The following ERC1 variants were observed in gnomAD, a reference collection of about 807,000 sequenced individuals.
The protein encoded by ERC1 is ELKS/RAB6-interacting/CAST family member 1, also known as RAB6 interacting protein 2.
A neutral mutation model predicts 132.0 loss-of-function variants in ERC1; 56 were observed. That is an observed-to-expected ratio of 0.42 (90% CI 0.34 to 0.53). The LOEUF (loss-of-function observed/expected upper bound fraction) is 0.53, where lower values mean the gene tolerates loss of function less well. Ranked by LOEUF, ERC1 falls within the 20% of genes least tolerant of loss-of-function variation. The probability of loss-of-function intolerance (pLI) is 0.03; values close to 1 mark genes in which losing one functional copy is unlikely to be tolerated. For synonymous variants in ERC1, 478 were observed against 476.1 expected, an observed-to-expected ratio of 1.00 and a Z score of -0.05; for missense variants, 1,202 against 1,349.9, an observed-to-expected ratio of 0.89 and a Z score of 1.72.
chr12:1,323,677 G>A (rs61913082), intron 15 of ERC1, among the ~76,000 whole-genome samples: 33,079 of 151,856 alleles, frequency 0.22, 3,981 homozygotes, highest in Middle Eastern at 0.28. Context: ...AGTATGGGTA[G>A]GTAAAGTATA....
intron 2 of ERC1, among the ~76,000 whole-genome samples, chr12:1,033,420 C>T (rs1565825226): frequency 1.3e-5 from 2 of 151,974 alleles, no homozygotes; most frequent in Non-Finnish European, 2.9e-5. Flanking sequence ...ATCCACCTGC[C>T]TTGGCCTCCC....
intron 2 of ERC1, among the ~76,000 whole-genome samples, chr12:1,061,358 A>G (rs547115712): frequency 2.0e-5 from 3 of 151,758 alleles, no homozygotes; most frequent in Admixed American, 2.0e-4. Context: ...GCACACTGGT[A>G]GGCTGAGTCC....
intron 17 of ERC1, chr12:1,430,462 CT>C (rs2092761044): frequency 6.6e-6 from 1 of 152,264 alleles, no homozygotes; most frequent in African/African-American, 2.4e-5. Flanking sequence ...TCTGCAACCT[CT>C]GCCTCCCGGG....
Position 1,494,074 on chromosome 12 carries a change from G to T in ERC1, c.*3844G>T, listed in dbSNP as rs962915602. The T allele has an allele frequency of 1.3e-5, 3 of 232,046 alleles. No individual in the cohort carries two copies. The highest frequency in any genetic ancestry group is 2.6e-5 in the Non-Finnish European group (3 of 117,454). The allele number at this position is 232,046 out of a possible 1,614,324, so 14.4% of individuals were successfully genotyped here. On this transcript the variant is annotated 3_prime_UTR_variant, in exon 19 of 19. Transcript: ENST00000360905. ...CGGTGTCAAGACCCTCAGAGTCTTT[G>T]AGGAAAGAGCCAAGCAGAGAAGACC...
chr12:1,213,991 G>A (rs1958135008), intron 12 of ERC1, among the ~76,000 whole-genome samples: 2 of 152,094 alleles, frequency 1.3e-5, no homozygotes, highest in Non-Finnish European at 2.9e-5. Flanking sequence ...TACATCATTG[G>A]ATATGCTGCA....
intron 8 of ERC1, among the ~76,000 whole-genome samples, chr12:1,163,973 C>T (rs1184718845): frequency 1.3e-5 from 2 of 152,170 alleles, no homozygotes; most frequent in Non-Finnish European, 2.9e-5. Context: ...GTCATGGCCT[C>T]CTGAAGTGCT....
At chr12:1,181,461 C>T (rs1954452678) in intron 9 of ERC1, among the ~76,000 whole-genome samples, 1 of 152,146 alleles carries the variant, frequency 6.6e-6, no homozygotes, top group Non-Finnish European at 1.5e-5. Context: ...AATAAACCTA[C>T]ATCCTTGTTA....
At chr12:1,010,571 CATG>C (rs1188168668) in intron 1 of ERC1, among the ~76,000 whole-genome samples, 5 of 147,594 alleles carry the variant, frequency 3.4e-5, no homozygotes, top group African/African-American at 1.3e-4. Flanking sequence ...AGTGCAATGG[CATG>C]ATCTCATCTC....
chr12:1,466,527 C>T lies in ERC1; in HGVS notation c.3213+21777C>T, dbSNP rs569834425. Reference sequence around the variant, plus strand: ...AAAATAGGCTCATGGCAACAACTTCCGAACCTAACTACTGCTTGGGTAATT... The same window carrying T: ...AAAATAGGCTCATGGCAACAACTTCTGAACCTAACTACTGCTTGGGTAATT... On this transcript the variant is annotated intron_variant, in intron 18 of 18. Coordinates refer to ENST00000360905, the MANE Select transcript of ERC1 (RefSeq NM_178040.4). Among the ~76,000 whole-genome samples the T allele has an allele frequency of 3.3e-5, 5 of 152,214 alleles. No homozygotes were observed. The South Asian group carries it at 8.3e-4, about 25-fold the overall frequency.
At chr12:1,327,942 C>CT (rs565997812) in intron 15 of ERC1, among the ~76,000 whole-genome samples, 5 of 152,100 alleles carry the variant, frequency 3.3e-5, no homozygotes, top group African/African-American at 1.2e-4. Context: ...TTCCTAACAA[C>CT]TTTTTTTCCC....
At chr12:1,055,326 T>C (rs1972752846) in intron 2 of ERC1, among the ~76,000 whole-genome samples, 1 of 152,082 alleles carries the variant, frequency 6.6e-6, no homozygotes, top group African/African-American at 2.4e-5. Context: ...ACTACAGTCA[T>C]GTGCCACTAC....
At chr12:1,140,839 A>G (rs1949796391) in intron 7 of ERC1, among the ~76,000 whole-genome samples, 1 of 152,168 alleles carries the variant, frequency 6.6e-6, no homozygotes, top group Non-Finnish European at 1.5e-5. Context: ...AAAAATATAA[A>G]ATAGCTCATT....
chr12:1,313,367 G>C (rs1479896210), intron 15 of ERC1, among the ~76,000 whole-genome samples: 1 of 152,104 alleles, frequency 6.6e-6, no homozygotes, highest in Non-Finnish European at 1.5e-5. Flanking sequence ...TTTTAGTTGG[G>C]CAGTGACTAT....
At chr12:1,404,070 A>T (rs1041318422) in intron 16 of ERC1, among the ~76,000 whole-genome samples, 4 of 152,252 alleles carry the variant, frequency 2.6e-5, no homozygotes, top group Non-Finnish European at 5.9e-5. Flanking sequence ...TCAGACTGCT[A>T]TAACAAAATA....
chr12:1,026,250 T>C (rs1174533198), intron 1 of ERC1, among the ~76,000 whole-genome samples: 1 of 152,090 alleles, frequency 6.6e-6, no homozygotes, highest in Non-Finnish European at 1.5e-5. Context: ...TCAGATCCCA[T>C]GAGACGCACT....
At chr12:1,180,415 T>G in intron 8 of ERC1, 125 bp from the exon 9 acceptor site, 1 of 778,708 alleles carries the variant, frequency 1.3e-6, no homozygotes, top group Non-Finnish European at 2.0e-6. Context: ...ATTAAATGAT[T>G]TCTACAGAAT....
At chr12:1,017,243 C>T (rs1203411263) in intron 1 of ERC1, among the ~76,000 whole-genome samples, 11 of 151,910 alleles carry the variant, frequency 7.2e-5, no homozygotes, top group South Asian at 2.1e-4. Flanking sequence ...GTGATCCACC[C>T]GCCTCAGCCT....
chr12:1,382,702 C>T (rs562272882), intron 16 of ERC1, among the ~76,000 whole-genome samples: 17 of 152,230 alleles, frequency 1.1e-4, no homozygotes, highest in Admixed American at 8.5e-4. Flanking sequence ...GTAGCTGTAT[C>T]GTCTGCTAAA....
intron 2 of ERC1, among the ~76,000 whole-genome samples, chr12:1,067,819 A>G (rs1565899188): frequency 6.6e-6 from 1 of 152,128 alleles, no homozygotes; most frequent in Non-Finnish European, 1.5e-5. Flanking sequence ...TCTATTTATC[A>G]TGATCATGTA....
Sources: allele counts gnomAD v4.1 joint callset (sites outside exome capture counted in the v4.1 genomes callset), GRCh38; gene constraint gnomAD v4.1.1; transcripts MANE v1.5; gene names NCBI Gene and HGNC (gene_info 2026-07-23, HGNC 2026-07-21).